NRXN1: variants seen among roughly 807,000 people sequenced by gnomAD.
NRXN1 encodes neurexin-1.
In NRXN1, 39 loss-of-function variants were observed where a neutral mutation model predicts 150.9. That is an observed-to-expected ratio of 0.26 (90% confidence interval 0.20 to 0.34). The LOEUF is 0.34. Among genes scored for constraint, NRXN1 ranks in the 10% least tolerant of loss-of-function variants. NRXN1 has a pLI of 1.00. For synonymous variants in NRXN1, 924 were observed against 757.0 expected (o/e 1.22, Z -3.62); for missense variants, 1,815 against 1,949.9 (o/e 0.93, Z 1.30).
At chr2:50,578,563 T>A (rs1671778043) in intron 8 of NRXN1, among the ~76,000 whole-genome samples, 1 of 152,228 alleles carries the variant, frequency 6.6e-6, no homozygotes, top group South Asian at 2.1e-4. Context: ...ACAGTCTACC[T>A]ATCTTAATTC....
At chr2:50,869,014 T>C (rs539556895) in intron 5 of NRXN1, among the ~76,000 whole-genome samples, 3 of 151,950 alleles carry the variant, frequency 2.0e-5, no homozygotes, top group Non-Finnish European at 4.4e-5. Flanking sequence ...AAAGCTGATA[T>C]TCTTCAGTAT....
At chr2:50,952,539 T>C (rs568748785) in intron 2 of NRXN1, among the ~76,000 whole-genome samples, 3 of 152,238 alleles carry the variant, frequency 2.0e-5, no homozygotes, top group South Asian at 2.1e-4. Context: ...CAGCTGTAGG[T>C]GTTGGAGATA....
intron 18 of NRXN1, among the ~76,000 whole-genome samples, chr2:50,219,220 G>A (rs943280862): frequency 1.3e-5 from 2 of 152,010 alleles, no homozygotes; most frequent in African/African-American, 4.8e-5. Context: ...AGAATTCTAT[G>A]AAGATGATAA....
chr2:50,665,238 C>T lies in NRXN1; in HGVS notation c.833-41623G>A, dbSNP rs116711824. Among the ~76,000 whole-genome samples the T allele has an allele frequency of 7.0e-4, 106 of 151,958 alleles. 2 individuals carry two copies. The highest frequency in any genetic ancestry group is 2.5e-3 in the African/African-American group (103 of 41,494). On this transcript the variant is annotated intron_variant, in intron 5 of 22. Transcript: ENST00000401669. ...CTTTTCTACCAGTTAATAAAATAGA[C>T]TCTAAAACACTATCTACTATCTAAG...
chr2:50,108,729 C>G (rs1297225519), intron 18 of NRXN1, among the ~76,000 whole-genome samples: 8 of 152,114 alleles, frequency 5.3e-5, no homozygotes, highest in Admixed American at 5.2e-4. Context: ...CAACTGCCAA[C>G]ATCATGCTTA....
At chr2:50,695,131 CAG>C (rs1010136424) in intron 5 of NRXN1, among the ~76,000 whole-genome samples, 2 of 146,942 alleles carry the variant, frequency 1.4e-5, no homozygotes, top group African/African-American at 2.6e-5. Context: ...TTCACCAGTG[CAG>C]TAGGGAGACT....
intron 17 of NRXN1, among the ~76,000 whole-genome samples, chr2:50,372,327 G>T (rs1399838745): frequency 6.6e-6 from 1 of 152,018 alleles, no homozygotes; most frequent in African/African-American, 2.4e-5. Flanking sequence ...GTATTTTACG[G>T]TCTAACTGGG....
chr2:50,903,098 A>G (rs1683173825), intron 5 of NRXN1, among the ~76,000 whole-genome samples: 1 of 152,144 alleles, frequency 6.6e-6, no homozygotes, highest in Non-Finnish European at 1.5e-5. Flanking sequence ...CAGCACCAAT[A>G]TATTATTTTT....
intron 17 of NRXN1, among the ~76,000 whole-genome samples, chr2:50,336,027 G>T (rs1471615822): frequency 6.6e-6 from 1 of 151,946 alleles, no homozygotes; most frequent in Non-Finnish European, 1.5e-5. Context: ...GTCCTACAGA[G>T]GCCCTATTTC....
chr2:50,482,599 A>G (rs1265484638), intron 15 of NRXN1, among the ~76,000 whole-genome samples: 2 of 152,142 alleles, frequency 1.3e-5, no homozygotes, highest in Non-Finnish European at 2.9e-5. Context: ...ACATGCATAA[A>G]CAGTGCAGTT....
At chr2:50,024,908 G>A (rs976932261) in intron 21 of NRXN1, among the ~76,000 whole-genome samples, 2 of 152,102 alleles carry the variant, frequency 1.3e-5, no homozygotes, top group Non-Finnish European at 2.9e-5. Flanking sequence ...GAGCTACTGT[G>A]CCCAGACACC....
At chr2:50,440,401 T>TTTTA (rs2085844527) in intron 17 of NRXN1, among the ~76,000 whole-genome samples, 1 of 151,378 alleles carries the variant, frequency 6.6e-6, no homozygotes, top group African/African-American at 2.4e-5. Context: ...GACTATAGTC[T>TTTTA]TTATTATTAT....
intron 5 of NRXN1, among the ~76,000 whole-genome samples, chr2:50,731,741 G>A (rs1417423321): frequency 1.3e-5 from 2 of 152,258 alleles, no homozygotes; most frequent in South Asian, 4.1e-4. Context: ...CAAAATTAGA[G>A]AATTTTTCAT....
chr2:50,409,482 G>C (rs1032250174), intron 17 of NRXN1, among the ~76,000 whole-genome samples: 3 of 152,150 alleles, frequency 2.0e-5, no homozygotes, highest in African/African-American at 7.2e-5. Context: ...TGCATCTCTT[G>C]GTTATAAGTA....
chr2:50,771,558 A>G (rs1281949489), intron 5 of NRXN1, among the ~76,000 whole-genome samples: 1 of 152,100 alleles, frequency 6.6e-6, no homozygotes, highest in East Asian at 1.9e-4. Context: ...ATTCCAGGAC[A>G]GGTAAGAAAC....
In NRXN1 at chr2:50,380,240, T is replaced by C. The variant is rs988068008; in HGVS notation, c.3364+85202A>G. Among the ~76,000 whole-genome samples the C allele has an allele frequency of 2.0e-5, 3 of 151,792 alleles. No homozygotes were observed. In the East Asian group the frequency reaches 5.8e-4, roughly 29 times the overall value. ...GGTACTGTGTGCAAATCTACTCAAG[T>C]GTTTAGCTTACCACATTGCTGAGAA... On this transcript the variant is annotated intron_variant, in intron 17 of 22. Transcript: ENST00000401669.
At chr2:50,223,991 G>T (rs1024904399) in intron 18 of NRXN1, among the ~76,000 whole-genome samples, 2 of 151,876 alleles carry the variant, frequency 1.3e-5, no homozygotes, top group South Asian at 4.1e-4. Context: ...AAGCAGCAAA[G>T]ATACCTATAA....
chr2:49,946,872 A>G (rs1402419134), intron 21 of NRXN1, among the ~76,000 whole-genome samples: 1 of 152,136 alleles, frequency 6.6e-6, no homozygotes, highest in African/African-American at 2.4e-5. Flanking sequence ...AGATATATAG[A>G]CCAATGGAAT....
chr2:50,679,587 G>T (rs2216789), intron 5 of NRXN1, among the ~76,000 whole-genome samples: 18,104 of 151,950 alleles, frequency 0.12, 1,577 homozygotes, highest in East Asian at 0.3. Context: ...CTATTGACAT[G>T]GATCATTGAT....
Sources: gnomAD v4.1 joint callset for allele counts (sites outside exome capture counted in the v4.1 genomes callset) on GRCh38, gnomAD v4.1.1 for gene constraint, MANE v1.5 for transcripts, NCBI Gene and HGNC (gene_info 2026-07-23, HGNC 2026-07-21) for gene names.